Variants in RBFOX1 observed in about 807,000 individuals in gnomAD.
RBFOX1 encodes the protein RNA binding fox-1 homolog 1.
Under a neutral mutation model 57.7 loss-of-function variants are expected in RBFOX1, and 8 were observed. That is an observed-to-expected ratio of 0.14 (90% CI 0.08 to 0.25). The LOEUF (loss-of-function observed/expected upper bound fraction) is 0.25. Among genes scored for constraint, RBFOX1 ranks in the 10% least tolerant of loss-of-function variants. RBFOX1 has a pLI of 1.00. For missense variants in RBFOX1, 611 were observed against 548.5 expected, an observed-to-expected ratio of 1.11 and a Z score of -1.14; for synonymous variants, 326 against 222.4, an observed-to-expected ratio of 1.47 and a Z score of -4.15.
chr16:6,027,861 G>T (rs748866343), intron 1 of RBFOX1, among the ~76,000 whole-genome samples: 4 of 152,184 alleles, frequency 2.6e-5, no homozygotes, highest in Non-Finnish European at 4.4e-5. Context: ...GCAAATGTAC[G>T]GTTGAGATCG....
At chr16:6,013,192 G>A (rs944365699) in intron 4 of RBFOX1, among the ~76,000 whole-genome samples, 38 of 152,244 alleles carry the variant, frequency 2.5e-4, no homozygotes, top group African/African-American at 8.4e-4. Flanking sequence ...CTACTCATGA[G>A]CTCCGTTCTG....
At chr16:6,897,317 C>T (rs1264629372) in intron 3 of RBFOX1, among the ~76,000 whole-genome samples, 7 of 152,174 alleles carry the variant, frequency 4.6e-5, no homozygotes, top group Non-Finnish European at 8.8e-5. Flanking sequence ...GAGGGAGAAT[C>T]GCTTGAACCC....
intron 3 of RBFOX1, among the ~76,000 whole-genome samples, chr16:5,640,685 C>G (rs895877045): frequency 6.6e-6 from 1 of 151,882 alleles, no homozygotes; most frequent in South Asian, 2.1e-4. Context: ...CACACAAGCA[C>G]ACCATGGATA....
intron 1 of RBFOX1, among the ~76,000 whole-genome samples, chr16:5,447,443 T>C (rs1237384084): frequency 2.0e-5 from 3 of 148,680 alleles, no homozygotes; most frequent in African/African-American, 7.5e-5. Context: ...CATGCTGGAG[T>C]GCAGTGGCAT....
intron 4 of RBFOX1, among the ~76,000 whole-genome samples, chr16:7,118,702 C>G (rs961195376): frequency 4.6e-5 from 7 of 152,080 alleles, no homozygotes; most frequent in Admixed American, 2.0e-4. Flanking sequence ...TTAGTAAAGG[C>G]GTGAATGTTA....
chr16:7,620,394 C>G (rs1306014150), intron 10 of RBFOX1, among the ~76,000 whole-genome samples: 1 of 152,174 alleles, frequency 6.6e-6, no homozygotes, highest in East Asian at 1.9e-4. Context: ...TTAAAAGTTT[C>G]AAAGCCTACA....
At chr16:5,979,124 T>A (rs138431007) in intron 4 of RBFOX1, among the ~76,000 whole-genome samples, 1 of 152,300 alleles carries the variant, frequency 6.6e-6, no homozygotes, top group Non-Finnish European at 1.5e-5. Flanking sequence ...GGGGCAGAAA[T>A]GATTGGCATG....
chr16:5,305,267 C>G (rs1030934819), intron 1 of RBFOX1, among the ~76,000 whole-genome samples: 1 of 152,136 alleles, frequency 6.6e-6, no homozygotes, highest in Non-Finnish European at 1.5e-5. Context: ...AAAGAGAGGT[C>G]AAGTGTTCCT....
chr16:7,662,012 T>A (rs2067885854), intron 12 of RBFOX1, among the ~76,000 whole-genome samples: 1 of 151,990 alleles, frequency 6.6e-6, no homozygotes. Flanking sequence ...CCATGGTGCA[T>A]AACAACTTGT....
At chr16:6,006,784 C>T (rs961552378) in intron 4 of RBFOX1, among the ~76,000 whole-genome samples, 17 of 152,014 alleles carry the variant, frequency 1.1e-4, no homozygotes, top group East Asian at 9.6e-4. Flanking sequence ...AGACAAGAGG[C>T]GATAAGATAC....
chr16:7,477,812 T>C (rs1382275485), intron 4 of RBFOX1, among the ~76,000 whole-genome samples: 1 of 152,108 alleles, frequency 6.6e-6, no homozygotes, highest in African/African-American at 2.4e-5. Context: ...AGGTGGAAAA[T>C]AGACCCTGAG....
Position 7,183,116 on chromosome 16 carries a change from G to T in RBFOX1, c.27+131018G>T, listed in dbSNP as rs573665632. ...ATTTCCTAGGAGAGAGAATTGAATT[G>T]CCCCAGCTGGGATCAGTATTCAACC... On this transcript the variant is annotated intron_variant, in intron 4 of 15. Coordinates refer to ENST00000550418, the MANE Select transcript of RBFOX1 (RefSeq NM_018723.4). Among the ~76,000 whole-genome samples the T allele has an allele frequency of 2.6e-4, 39 of 152,232 alleles. 1 individual carries two copies. In the South Asian group the frequency reaches 7.1e-3, roughly 28 times the overall value.
At chr16:7,171,297 C>T (rs2080650010) in intron 4 of RBFOX1, among the ~76,000 whole-genome samples, 1 of 152,206 alleles carries the variant, frequency 6.6e-6, no homozygotes, top group Non-Finnish European at 1.5e-5. Context: ...ATGATGAGGA[C>T]TGCAGTGTCA....
chr16:6,358,632 C>T (rs1278125158), intron 2 of RBFOX1, among the ~76,000 whole-genome samples: 2 of 152,120 alleles, frequency 1.3e-5, no homozygotes, highest in Non-Finnish European at 2.9e-5. Context: ...CTCCCAACAG[C>T]AGGAGGTAGA....
intron 4 of RBFOX1, among the ~76,000 whole-genome samples, chr16:7,273,204 C>CCTTCCTCCCTTCCTT (rs2095367580): frequency 2.8e-5 from 1 of 35,146 alleles, no homozygotes; most frequent in Non-Finnish European, 5.0e-5. Flanking sequence ...CTTCCTCCCT[C>CCTTCCTCCCTTCCTT]CCTTCCTTCC....
At chr16:6,325,371 T>A (rs1030047986) in intron 2 of RBFOX1, among the ~76,000 whole-genome samples, 2 of 152,136 alleles carry the variant, frequency 1.3e-5, no homozygotes, top group Non-Finnish European at 2.9e-5. Flanking sequence ...AAAAATAAAC[T>A]AAGAATTATG....
intron 1 of RBFOX1, among the ~76,000 whole-genome samples, chr16:6,253,957 C>G (rs2097644295): frequency 6.6e-6 from 1 of 152,040 alleles, no homozygotes; most frequent in East Asian, 1.9e-4. Context: ...CACCTCAACT[C>G]AAGTAGGACA....
intron 3 of RBFOX1, among the ~76,000 whole-genome samples, chr16:5,635,863 C>T (rs909665639): frequency 1.3e-5 from 2 of 151,998 alleles, no homozygotes; most frequent in African/African-American, 4.8e-5. Flanking sequence ...ATTCATTTTT[C>T]GTGTTATAGA....
At chr16:6,946,013 GC>G (rs1395555248) in intron 3 of RBFOX1, among the ~76,000 whole-genome samples, 1 of 152,178 alleles carries the variant, frequency 6.6e-6, no homozygotes. Context: ...AGCCTCTGGA[GC>G]CCCCTTTGCC....
Sources: allele counts gnomAD v4.1 joint callset (sites outside exome capture counted in the v4.1 genomes callset), GRCh38; gene constraint gnomAD v4.1.1; transcripts MANE v1.5; gene names NCBI Gene and HGNC (gene_info 2026-07-23, HGNC 2026-07-21).